CADPS2: variants seen among roughly 807,000 people sequenced by gnomAD.
CADPS2 encodes calcium dependent secretion activator 2.
CADPS2 carries 93 observed loss-of-function variants against 172.5 expected under a neutral mutation model. The observed-to-expected ratio is 0.54, with a 90% CI of 0.46 to 0.64. CADPS2 has a LOEUF of 0.64. Among genes scored for constraint, CADPS2 ranks in the 30% least tolerant of loss-of-function variants. The pLI, the probability that CADPS2 is intolerant of heterozygous loss-of-function variation, is 0.00. For missense variants in CADPS2, 1,420 were observed against 1,565.9 expected (o/e 0.91, Z 1.57); for synonymous variants, 546 against 555.2 (o/e 0.98, Z 0.23).
chr7:122,536,858 C>T (rs1277073183), intron 8 of CADPS2, among the ~76,000 whole-genome samples: 1 of 152,032 alleles, frequency 6.6e-6, no homozygotes, highest in Non-Finnish European at 1.5e-5. Context: ...TTGGTCACCA[C>T]TGGTCAAAAT....
Position 122,796,787 on chromosome 7 carries a change from C to A in CADPS2, c.340-59719G>T, listed in dbSNP as rs530900394. ...ACCCTGGAAGACAATCTAGGCAATA[C>A]CATTCCGGAAAGAGCAATGGGCAAT... On this transcript the variant is annotated intron_variant, in intron 1 of 29. Transcript: ENST00000449022. Among the ~76,000 whole-genome samples the A allele has an allele frequency of 2.7e-4, 41 of 151,556 alleles. No individual in the cohort carries two copies. The South Asian group carries it at 8.5e-3, about 32-fold the overall frequency.
rs1283694676 is a variant in CADPS2, at chr7:122,780,303, C to T, written c.340-43235G>A. On this transcript the variant is annotated intron_variant, in intron 1 of 29. Transcript: ENST00000449022. Reference sequence around the variant, plus strand: ...CTAACTAACCCAGAGCAACATCCCCCTCTCTGCAACTGCTAACAACTGATG... The same window carrying T: ...CTAACTAACCCAGAGCAACATCCCCTTCTCTGCAACTGCTAACAACTGATG... Among the ~76,000 whole-genome samples, 4 of 152,116 alleles carry T rather than the reference C, an allele frequency of 2.6e-5. No homozygotes were observed. The East Asian group carries it at 5.8e-4, about 22-fold the overall frequency.
chr7:122,655,427 A>C (rs375482220), intron 3 of CADPS2, among the ~76,000 whole-genome samples: 14 of 152,316 alleles, frequency 9.2e-5, no homozygotes, highest in African/African-American at 3.4e-4. Context: ...CATCAAGGCG[A>C]GACCCTCTAC....
intron 2 of CADPS2, chr7:122,697,787 A>G: frequency 2.6e-6 from 4 of 1,565,616 alleles, no homozygotes; most frequent in Non-Finnish European, 3.4e-6. Flanking sequence ...AAGTCATGCC[A>G]TCAAGGTGAA....
intron 20 of CADPS2, among the ~76,000 whole-genome samples, chr7:122,406,773 T>C (rs1167244279): frequency 6.6e-6 from 1 of 152,148 alleles, no homozygotes; most frequent in Non-Finnish European, 1.5e-5. Context: ...TCTTGGTGCA[T>C]CATGACAAGA....
intron 8 of CADPS2, among the ~76,000 whole-genome samples, chr7:122,541,712 T>A (rs1449882143): frequency 3.4e-5 from 5 of 145,994 alleles, no homozygotes; most frequent in Non-Finnish European, 7.5e-5. Context: ...TATTCATATA[T>A]TTACATATAT....
chr7:122,642,250 A>G (rs927394991), intron 3 of CADPS2, among the ~76,000 whole-genome samples: 2 of 149,662 alleles, frequency 1.3e-5, no homozygotes, highest in Admixed American at 1.4e-4. Context: ...ACTGCACTCC[A>G]GCCTGGAAGG....
chr7:122,609,515 A>G (rs1334489713), intron 6 of CADPS2, among the ~76,000 whole-genome samples: 1 of 152,206 alleles, frequency 6.6e-6, no homozygotes, highest in Non-Finnish European at 1.5e-5. Context: ...TGAAAAATAC[A>G]GTTTATCCAC....
intron 2 of CADPS2, chr7:122,701,621 T>TA (rs201297535): frequency 0.025 from 9,091 of 366,410 alleles, 148 homozygotes; most frequent in Non-Finnish European, 0.033. Context: ...AAAATTCACC[T>TA]AAAAAAACAA....
At chr7:122,618,419 A>G (rs1453817795) in intron 5 of CADPS2, among the ~76,000 whole-genome samples, 1 of 151,992 alleles carries the variant, frequency 6.6e-6, no homozygotes, top group African/African-American at 2.4e-5. Flanking sequence ...CTAATTAACA[A>G]TAAACACAAT....
intron 20 of CADPS2, among the ~76,000 whole-genome samples, chr7:122,398,453 A>G (rs2045458153): frequency 2.0e-5 from 3 of 152,196 alleles, no homozygotes; most frequent in Admixed American, 2.0e-4. Context: ...TAGGCATTTC[A>G]GAAGGAAATG....
intron 3 of CADPS2, among the ~76,000 whole-genome samples, chr7:122,633,831 T>C (rs1243760893): frequency 6.6e-6 from 1 of 152,162 alleles, no homozygotes; most frequent in Admixed American, 6.6e-5. Flanking sequence ...GCTGTGAGTT[T>C]GTCATAGATG....
At chr7:122,626,256 AG>A (rs1280050352) in intron 4 of CADPS2, among the ~76,000 whole-genome samples, 1 of 152,190 alleles carries the variant, frequency 6.6e-6, no homozygotes, top group Non-Finnish European at 1.5e-5. Flanking sequence ...TAATGAGGAC[AG>A]GGGTAGAATC....
At chr7:122,750,988 C>A (rs1288397345) in intron 1 of CADPS2, among the ~76,000 whole-genome samples, 1 of 151,732 alleles carries the variant, frequency 6.6e-6, no homozygotes. Flanking sequence ...TTTTTTGGAC[C>A]AACATAAAAA....
At chr7:122,877,008 T>C (rs1242364683) in intron 1 of CADPS2, among the ~76,000 whole-genome samples, 1 of 152,124 alleles carries the variant, frequency 6.6e-6, no homozygotes. Context: ...CTTTCTCTTA[T>C]GAACATACAT....
At chr7:122,727,648 A>T (rs967186191) in intron 2 of CADPS2, among the ~76,000 whole-genome samples, 3 of 151,926 alleles carry the variant, frequency 2.0e-5, no homozygotes, top group Admixed American at 1.3e-4. Context: ...ATCCTCAAGC[A>T]ACAAAATTCT....
At chr7:122,713,475 A>G (rs376771360) in intron 2 of CADPS2, among the ~76,000 whole-genome samples, 1 of 152,134 alleles carries the variant, frequency 6.6e-6, no homozygotes, top group African/African-American at 2.4e-5. Context: ...TACTTGGCTC[A>G]TACACAAACT....
intron 1 of CADPS2, among the ~76,000 whole-genome samples, chr7:122,805,371 G>T (rs1466803072): frequency 6.6e-6 from 1 of 152,128 alleles, no homozygotes; most frequent in Non-Finnish European, 1.5e-5. Flanking sequence ...TGTTGGCCAG[G>T]ATGGTCTCAA....
chr7:122,718,899 C>T (rs2090022084), intron 2 of CADPS2, among the ~76,000 whole-genome samples: 1 of 152,142 alleles, frequency 6.6e-6, no homozygotes, highest in South Asian at 2.1e-4. Flanking sequence ...CTCTATCCTG[C>T]TTTCTCCTCC....
Sources: gnomAD v4.1 joint callset for allele counts (sites outside exome capture counted in the v4.1 genomes callset) on GRCh38, gnomAD v4.1.1 for gene constraint, MANE v1.5 for transcripts, NCBI Gene and HGNC (gene_info 2026-07-23, HGNC 2026-07-21) for gene names.